The following ESYT2 variants were observed in gnomAD, a reference collection of about 807,000 sequenced individuals.
The protein encoded by ESYT2 is extended synaptotagmin-2.
A neutral mutation model predicts 107.2 loss-of-function variants in ESYT2; 54 were observed. That is an observed-to-expected ratio of 0.50 (90% CI 0.40 to 0.63). The LOEUF is 0.63. Among genes scored for constraint, ESYT2 ranks in the 30% least tolerant of loss-of-function variants. ESYT2 has a pLI of 0.00. For synonymous variants in ESYT2, 491 were observed against 434.1 expected (o/e 1.13, Z -1.63); for missense variants, 1,020 against 1,094.5 (o/e 0.93, Z 0.96).
At chr7:158,814,166 C>T (rs780891402) in intron 1 of ESYT2, among the ~76,000 whole-genome samples, 9 of 151,136 alleles carry the variant, frequency 6.0e-5, no homozygotes, top group South Asian at 4.2e-4. Context: ...CCCAGCTACT[C>T]GGAAGGCTGA....
At chr7:158,803,162 C>A (rs960067158) in intron 1 of ESYT2, among the ~76,000 whole-genome samples, 1 of 152,268 alleles carries the variant, frequency 6.6e-6, no homozygotes, top group Non-Finnish European at 1.5e-5. Context: ...GCCAACGCGC[C>A]GTTCCCCGGA....
At chr7:158,757,546 G>A (rs891091921) in intron 13 of ESYT2, among the ~76,000 whole-genome samples, 29 of 151,504 alleles carry the variant, frequency 1.9e-4, no homozygotes, top group African/African-American at 4.9e-4. Flanking sequence ...CAGAGCTCGC[G>A]GGACGCCCCT....
In ESYT2 at chr7:158,741,740, G is replaced by A. The variant is rs142828365; in HGVS notation, c.1951C>T (p.Pro651Ser). Residue 651 changes from proline (P) to serine (S), a missense_variant, in exon 18 of 23, where the codon CCA (proline) becomes TCA (serine). Transcript: ENST00000275418. ...PGGSNTAPST[P>S]VIGGSDKPGM... ...GGCTTATCACTGCCCCCAATGACTG[G>A]TGTGGATGGAGCTGTGTTGCTGCCA... 1.2e-6 allele frequency: 2 copies of A among 1,614,106 alleles called. No individual in the cohort carries two copies. The highest frequency in any genetic ancestry group is 3.3e-5 in the Admixed American group (2 of 60,022).
At chr7:158,737,628 G>A (rs1383736799) in intron 19 of ESYT2, among the ~76,000 whole-genome samples, 1 of 152,130 alleles carries the variant, frequency 6.6e-6, no homozygotes, top group Non-Finnish European at 1.5e-5. Flanking sequence ...CTTGCTGACT[G>A]ACCACAAAGT....
intron 6 of ESYT2, among the ~76,000 whole-genome samples, chr7:158,780,194 C>T (rs1268698295): frequency 3.3e-5 from 5 of 152,334 alleles, no homozygotes; most frequent in African/African-American, 1.2e-4. Context: ...ACCAGTAACA[C>T]GGGAACAATC....
intron 6 of ESYT2, among the ~76,000 whole-genome samples, chr7:158,782,297 C>CAAGTGAACAAGTGT (rs1838894175): frequency 1.2e-5 from 1 of 85,754 alleles, no homozygotes; most frequent in East Asian, 2.9e-4. Context: ...ATGTGTGAAA[C>CAAGTGAACAAGTGT]AAGTGAACAA....
At chr7:158,799,095 T>A in intron 1 of ESYT2, 23 bp from the exon 2 acceptor site, 1 of 1,607,786 alleles carries the variant, frequency 6.2e-7, no homozygotes, top group Non-Finnish European at 8.5e-7. Flanking sequence ...TACACACATA[T>A]GACTTATTAA....
At chr7:158,742,747 T>C (rs925768267) in intron 17 of ESYT2, among the ~76,000 whole-genome samples, 8 of 152,246 alleles carry the variant, frequency 5.3e-5, no homozygotes, top group Admixed American at 3.3e-4. Flanking sequence ...TTTCTGGTTT[T>C]AGGAAATAAC....
In ESYT2 at chr7:158,760,294, T is replaced by A; in HGVS notation, c.1234-147A>T. The A allele has an allele frequency of 4.3e-6, 3 of 694,572 alleles. No homozygotes were observed. In the Admixed American group the frequency reaches 7.1e-5, roughly 17 times the overall value. The allele number at this position is 694,572 out of a possible 1,614,324, so 43.0% of individuals were successfully genotyped here. A position where few individuals can be genotyped will look rare whatever the true frequency, so the allele number is the denominator to read the frequency against. On this transcript the variant is annotated intron_variant, in intron 11 of 22. Transcript: ENST00000275418. The stretch of plus-strand genomic sequence containing the variant: ...AACGCGAAGGCTGAGCCTCACCATA[T>A]CCAGCTCTACGCTATGTGGATGCCA...
intron 1 of ESYT2, among the ~76,000 whole-genome samples, chr7:158,821,273 C>T (rs141877151): frequency 6.6e-6 from 1 of 152,224 alleles, no homozygotes; most frequent in East Asian, 1.9e-4. Flanking sequence ...TCCAAAAGAA[C>T]AGGAGGTGAC....
At chr7:158,809,403 G>T (rs1839927633) in intron 1 of ESYT2, among the ~76,000 whole-genome samples, 1 of 144,902 alleles carries the variant, frequency 6.9e-6, no homozygotes, top group Non-Finnish European at 1.5e-5. Context: ...TTGAACCTGG[G>T]AGGCGAAGGT....
rs762396578 is a variant in ESYT2, at chr7:158,829,109, C to T, written c.310G>A (p.Ala104Thr). 8.2e-6 allele frequency: 13 copies of T among 1,580,952 alleles called. No homozygotes were observed. The Middle Eastern group carries it at 5.3e-4, about 64-fold the overall frequency. Residue 104 changes from alanine (A) to threonine (T), a missense_variant, in exon 1 of 23, where the codon GCC (alanine) becomes ACC (threonine). By Grantham distance (58) the Ala-to-Thr change is moderately conservative. Coordinates refer to ENST00000275418, the MANE Select transcript of ESYT2 (RefSeq NM_001367773.1). ...CTCACCCAGGCGGGCAGGTCGCAGG[C>T]GCGCACCCCCAGGCGCACGACGCGC... ...EERVVRLGVR[A>T]CDLPAWVHFP... is the part of the protein sequence containing the mutation.
At chr7:158,767,351 T>G (rs562223445) in intron 8 of ESYT2, among the ~76,000 whole-genome samples, 1 of 152,358 alleles carries the variant, frequency 6.6e-6, no homozygotes, top group Middle Eastern at 3.4e-3. Flanking sequence ...ATGTGCTTTC[T>G]GAGGTAACTA....
chr7:158,770,537 C>T (rs1204514572), intron 7 of ESYT2, among the ~76,000 whole-genome samples: 2 of 150,780 alleles, frequency 1.3e-5, no homozygotes, highest in East Asian at 1.9e-4. Flanking sequence ...TTTCCTGAGA[C>T]GGAGTCTCAC....
chr7:158,822,597 T>C (rs1381659170), intron 1 of ESYT2, among the ~76,000 whole-genome samples: 1 of 151,576 alleles, frequency 6.6e-6, no homozygotes, highest in East Asian at 1.9e-4. Context: ...ACCTCGGCTC[T>C]ACTACAAGTA....
chr7:158,789,272 C>A (rs1839204424), intron 4 of ESYT2, among the ~76,000 whole-genome samples: 1 of 152,202 alleles, frequency 6.6e-6, no homozygotes, highest in African/African-American at 2.4e-5. Flanking sequence ...GAGAATTACT[C>A]TCTACCTAGT....
chr7:158,826,121 C>G (rs1449812416), intron 1 of ESYT2, among the ~76,000 whole-genome samples: 1 of 152,098 alleles, frequency 6.6e-6, no homozygotes, highest in South Asian at 2.1e-4. Context: ...CTTTGACCAC[C>G]CCCACCACCC....
chr7:158,801,101 G>A (rs368161338), intron 1 of ESYT2, among the ~76,000 whole-genome samples: 5 of 151,782 alleles, frequency 3.3e-5, no homozygotes, highest in South Asian at 2.1e-4. Context: ...CAGGAGCGTC[G>A]GAGGCGGCGG....
intron 1 of ESYT2, among the ~76,000 whole-genome samples, chr7:158,822,798 T>G (rs988475050): frequency 2.6e-5 from 4 of 151,826 alleles, no homozygotes; most frequent in African/African-American, 7.2e-5. Flanking sequence ...AAAGTACTAT[T>G]AGGTTTAAGT....
Sources: gnomAD v4.1 joint callset for allele counts (sites outside exome capture counted in the v4.1 genomes callset) on GRCh38, gnomAD v4.1.1 for gene constraint, MANE v1.5 for transcripts, NCBI Gene and HGNC (gene_info 2026-07-23, HGNC 2026-07-21) for gene names.